The following THSD7A variants were observed in gnomAD, a reference collection of about 807,000 sequenced individuals.
The protein encoded by THSD7A is thrombospondin type-1 domain-containing protein 7A.
Under a neutral mutation model 231.3 loss-of-function variants are expected in THSD7A, and 96 were observed. The observed-to-expected ratio is 0.41, with a 90% confidence interval of 0.35 to 0.49. The LOEUF is 0.49. Among genes scored for constraint, THSD7A ranks in the 20% least tolerant of loss-of-function variants. The pLI is 0.05. For synonymous variants in THSD7A, 940 were observed against 743.3 expected, an observed-to-expected ratio of 1.26 and a Z score of -4.30; for missense variants, 2,290 against 2,070.2, an observed-to-expected ratio of 1.11 and a Z score of -2.06.
At chr7:11,443,092 A>G (rs1382801984) in intron 13 of THSD7A, among the ~76,000 whole-genome samples, 4 of 152,136 alleles carry the variant, frequency 2.6e-5, no homozygotes, top group Non-Finnish European at 5.9e-5. Context: ...TCTAAATATA[A>G]GATTGACTGA....
In THSD7A at chr7:11,474,509, G is replaced by A. The variant is rs753582742; in HGVS notation, c.2077C>T (p.Pro693Ser). 1 of 1,612,878 alleles carries A rather than the reference G, an allele frequency of 6.2e-7. No individual in the cohort carries two copies. The highest frequency in any genetic ancestry group is 1.1e-5 in the South Asian group (1 of 90,980). ...LQEVRSCNEH[P>S]CTVYHWQTGP... ...GTTTGCCAGTGGTACACTGTGCAAG[G>A]ATGCTCATTACAGCTTCGTACTTCT... Residue 693 changes from proline (P) to serine (S), a missense_variant, in exon 8 of 28, where the codon CCT (proline) becomes TCT (serine). Transcript: ENST00000423059. The surrounding 1 kb of genome is among the most constrained non-coding windows in gnomAD (Gnocchi z 4.1).
rs775354443 is a variant in THSD7A, at chr7:11,379,083, C to T, written c.4788G>A (p.Gln1596=). The T allele has an allele frequency of 4.1e-5, 66 of 1,613,124 alleles. No individual in the cohort carries two copies. Among genetic ancestry groups the T allele is most frequent in the South Asian group, 3.6e-4 (33 of 91,066 alleles). The change falls in exon 26 of 28, where the codon CAG becomes CAA. Residue 1596 remains glutamine, a synonymous_variant. Transcript: ENST00000423059. The part of the protein sequence containing the change: ...PAGRGRTWFL[Q]PFGPDGRLKT... ...TAGTCAGTTCACCTGGCCCAAATGG[C>T]TGTAGAAACCAGGTCCTTCCCCGTC...
chr7:11,734,464 G>A (rs1054763491), intron 1 of THSD7A, among the ~76,000 whole-genome samples: 3 of 151,874 alleles, frequency 2.0e-5, no homozygotes, highest in South Asian at 2.1e-4. Flanking sequence ...TCTCACATAC[G>A]TGGTCAATCT....
In THSD7A at chr7:11,636,926, G is replaced by C; in HGVS notation, c.226C>G (p.Pro76Ala). Residue 76 changes from proline to alanine, a missense_variant, in exon 2 of 28, where the codon CCC becomes GCC. Transcript: ENST00000423059. The surrounding 1 kb of genome is among the most constrained non-coding windows in gnomAD (Gnocchi z 10.0). Reference sequence around the variant, plus strand: ...ACAGCCCTCGTTTGGATGCCTCCGGGACCACATTCATCTCCCATACATCGG... The same window carrying C: ...ACAGCCCTCGTTTGGATGCCTCCGGCACCACATTCATCTCCCATACATCGG... ...WGRCMGDECG[P>A]GGIQTRAVWC... 1 of 1,612,118 alleles carries C rather than the reference G, an allele frequency of 6.2e-7. No individual in the cohort carries two copies. Among genetic ancestry groups the C allele is most frequent in the Non-Finnish European group, 8.5e-7 (1 of 1,179,646 alleles).
In THSD7A at chr7:11,444,046, A is replaced by T. The variant is rs1045076869; in HGVS notation, c.3064+2015T>A. On this transcript the variant is annotated intron_variant, in intron 13 of 27. Coordinates refer to ENST00000423059, the MANE Select transcript of THSD7A (RefSeq NM_015204.3). This position sits in a 1 kb window ranked among gnomAD's most constrained non-coding sequence, Gnocchi z 4.2. ...TTTATGTGGCTAACAAACATATGAA[A>T]AAAAGCTCATCATCACTGGTCATTA... Among the ~76,000 whole-genome samples, 1 of 152,142 alleles carries T rather than the reference A, an allele frequency of 6.6e-6. No individual in the cohort carries two copies. The highest frequency in any genetic ancestry group is 1.5e-5 in the Non-Finnish European group (1 of 68,028).
intron 23 of THSD7A, among the ~76,000 whole-genome samples, chr7:11,391,583 C>CCTTT (rs1185312436): frequency 6.6e-6 from 1 of 152,054 alleles, no homozygotes; most frequent in Non-Finnish European, 1.5e-5. Flanking sequence ...GCCTCAGCCC[C>CCTTT]CTTTCCAGGG....
chr7:11,756,935 C>T (rs1404299362), intron 1 of THSD7A, among the ~76,000 whole-genome samples: 2 of 151,938 alleles, frequency 1.3e-5, no homozygotes, highest in East Asian at 3.9e-4. Context: ...TTAGTTATTG[C>T]ATGCTGAATT....
At chr7:11,699,601 TA>T (rs1414173422) in intron 1 of THSD7A, among the ~76,000 whole-genome samples, 1 of 151,332 alleles carries the variant, frequency 6.6e-6, no homozygotes, top group Non-Finnish European at 1.5e-5. Context: ...GAGCACGAGT[TA>T]CCCTGAAAGT....
At chr7:11,755,679 G>A (rs190662389) in intron 1 of THSD7A, among the ~76,000 whole-genome samples, 2 of 152,230 alleles carry the variant, frequency 1.3e-5, no homozygotes, top group Admixed American at 1.3e-4. Context: ...TGAGCAGAAA[G>A]TCTTGGCTCT....
At position 11,390,389 on chromosome 7, in the gene THSD7A, T is replaced by C. The variant is rs531673041; in HGVS notation, c.4412-7773A>G. Reference sequence around the variant, plus strand: ...TCTGATATTGTTTCTTCTGCTTTATTGATTTGGCTATTGATACTTGTGTAT... The same window carrying C: ...TCTGATATTGTTTCTTCTGCTTTATCGATTTGGCTATTGATACTTGTGTAT... On this transcript the variant is annotated intron_variant, in intron 23 of 27. Coordinates refer to ENST00000423059, the MANE Select transcript of THSD7A (RefSeq NM_015204.3). Among the ~76,000 whole-genome samples the C allele has an allele frequency of 2.4e-3, 356 of 149,732 alleles. 2 individuals are homozygous for C. Among genetic ancestry groups the C allele is most frequent in the Middle Eastern group, 0.02 (6 of 294 alleles).
chr7:11,478,151 T>C (rs1168928458), intron 7 of THSD7A, among the ~76,000 whole-genome samples: 1 of 152,174 alleles, frequency 6.6e-6, no homozygotes, highest in African/African-American at 2.4e-5. Flanking sequence ...GTTATCTCCA[T>C]TGCTATACCC....
At chr7:11,675,764 G>C (rs1436382203) in intron 1 of THSD7A, among the ~76,000 whole-genome samples, 6 of 152,212 alleles carry the variant, frequency 3.9e-5, no homozygotes, top group Non-Finnish European at 8.8e-5. Flanking sequence ...AGCAACCCCA[G>C]TAAGGGGCTT....
Position 11,401,968 on chromosome 7 carries a change from C to G in THSD7A, c.4238G>C (p.Gly1413Ala). ...LEESCSQPCP[G>A]DCYLKDWSSW... ...AGACCAGTCCTTCAAATAACAGTCA[C>G]CTGTAAAACACATATTTGTAATTTA... The change falls in exon 23 of 28, where the codon GGT becomes GCT. Residue 1413 changes from glycine to alanine, a missense_variant and splice_region_variant. Physicochemically the swap from Gly to Ala is moderately conservative, Grantham distance 60. Coordinates refer to ENST00000423059, the MANE Select transcript of THSD7A (RefSeq NM_015204.3). 1.2e-6 allele frequency: 2 copies of G among 1,610,904 alleles called. No homozygotes were observed. The highest frequency in any genetic ancestry group is 2.2e-5 in the South Asian group (2 of 90,446).
Position 11,831,754 on chromosome 7 carries a change from TA to T in THSD7A, c.190+2del. ...GGGGAAAGGGTAACTCCGTCCCACT[TA>T]CCAGTCTTCCACAGATAGAGGGTGG... On this transcript the variant is annotated splice_donor_variant, in intron 1 of 27. Transcript: ENST00000423059. LOFTEE classifies it high-confidence loss of function. This position sits in a 1 kb window ranked among gnomAD's most constrained non-coding sequence, Gnocchi z 5.0. The T allele has an allele frequency of 6.9e-7, 1 of 1,458,878 alleles. No homozygotes were observed. Among genetic ancestry groups the T allele is most frequent in the South Asian group, 1.5e-5 (1 of 67,750 alleles). The allele number at this position is 1,458,878 out of a possible 1,614,324, so 90.4% of individuals were successfully genotyped here. A position where few individuals can be genotyped will look rare whatever the true frequency, so the allele number is the denominator to read the frequency against.
At chr7:11,554,427 G>A (rs767004574) in intron 4 of THSD7A, among the ~76,000 whole-genome samples, 12 of 152,032 alleles carry the variant, frequency 7.9e-5, no homozygotes, top group Admixed American at 5.2e-4. Context: ...TTACCATTAA[G>A]TATAATGTTA....
intron 2 of THSD7A, among the ~76,000 whole-genome samples, chr7:11,597,637 C>G (rs546950349): frequency 7.0e-4 from 107 of 152,290 alleles, no homozygotes; most frequent in Non-Finnish European, 1.3e-3. Flanking sequence ...TTTTGAGAGA[C>G]AGCTCTTGGC....
chr7:11,428,858 G>C lies in THSD7A; in HGVS notation c.3243+89C>G, dbSNP rs968532440. 37 of 1,431,658 alleles carry C rather than the reference G, an allele frequency of 2.6e-5. No individual in the cohort carries two copies. The Admixed American group carries it at 8.7e-4, about 34-fold the overall frequency. The allele number at this position is 1,431,658 out of a possible 1,614,324, so 88.7% of individuals were successfully genotyped here. On this transcript the variant is annotated intron_variant, in intron 14 of 27. Coordinates refer to ENST00000423059, the MANE Select transcript of THSD7A (RefSeq NM_015204.3). ...AAATGGGTCAATTTTTTATTCAATAGCTATTATTTCCTCTTCTCCATTTTG... is the reference window on the plus strand; with the variant it reads ...AAATGGGTCAATTTTTTATTCAATACCTATTATTTCCTCTTCTCCATTTTG...
intron 6 of THSD7A, among the ~76,000 whole-genome samples, chr7:11,491,493 C>A (rs1786892455): frequency 6.6e-6 from 1 of 152,148 alleles, no homozygotes; most frequent in Admixed American, 6.6e-5. Flanking sequence ...TACATTTGGT[C>A]ATCAAATCTT....
At chr7:11,376,456 T>G (rs1782278132) in intron 27 of THSD7A, 114 bp downstream of exon 27, 1 of 818,742 alleles carries the variant, frequency 1.2e-6, no homozygotes, top group Non-Finnish European at 1.8e-6. Context: ...CATGTTTATT[T>G]AGAAATTCAT....
Sources: gnomAD v4.1 joint callset for allele counts (sites outside exome capture counted in the v4.1 genomes callset) on GRCh38, gnomAD v4.1.1 for gene constraint, Gnocchi (gnomAD v3.1) non-coding constraint, MANE v1.5 for transcripts, NCBI Gene and HGNC (gene_info 2026-07-23, HGNC 2026-07-21) for gene names.